DSP: variants seen among roughly 807,000 people sequenced by gnomAD.
The protein encoded by DSP is desmoplakin, also known as 250/210 kDa paraneoplastic pemphigus antigen.
A neutral mutation model predicts 290.6 loss-of-function variants in DSP; 114 were observed. The ratio of observed to expected loss-of-function variants is 0.39; its 90% CI spans 0.34 to 0.46. The LOEUF is 0.46. Ranked by LOEUF, DSP falls within the 20% of genes least tolerant of loss-of-function variation. DSP has a pLI of 0.99. For missense variants in DSP, 3,230 were observed against 3,495.8 expected (o/e 0.92, Z 1.92); for synonymous variants, 1,311 against 1,316.4 (o/e 1.00, Z 0.09).
At position 7,582,410 on chromosome 6, in the gene DSP, G is replaced by GA. The variant is rs1157138483; in HGVS notation, c.5380-225dup. On this transcript the variant is annotated intron_variant, in intron 23 of 23. Coordinates refer to ENST00000379802, the MANE Select transcript of DSP (RefSeq NM_004415.4). The surrounding 1 kb of genome is among the most constrained non-coding windows in gnomAD (Gnocchi z 4.2). ...TCTGCAACTTACAGTTCCTTCTATA[G>GA]AAAAAAATAGTAAGTATGAAGCCAT... Among the ~76,000 whole-genome samples, 1 of 150,834 alleles carries GA rather than the reference G, an allele frequency of 6.6e-6. No individual in the cohort carries two copies. The highest frequency in any genetic ancestry group is 1.5e-5 in the Non-Finnish European group (1 of 67,744).
chr6:7,570,919 G>T (rs1581805092), intron 13 of DSP, among the ~76,000 whole-genome samples: 3 of 152,238 alleles, frequency 2.0e-5, no homozygotes, highest in Admixed American at 2.0e-4. Context: ...TAAAAGGTGG[G>T]ATAGAATTCT....
intron 13 of DSP, 123 bp downstream of exon 13, chr6:7,570,686 C>A: frequency 7.3e-7 from 1 of 1,379,048 alleles, no homozygotes; most frequent in Non-Finnish European, 1.0e-6. Context: ...TCAAGCAAGT[C>A]AGCTCAGCCC....
rs756737246 is a variant in DSP, at chr6:7,574,711, A to G, written c.2352A>G (p.Leu784=). Reference sequence around the variant, plus strand: ...CTATTCTCCAAACAGAAGACATGTTAAAGGTTTATGAAGCCAGGCTCACTG... The same window carrying G: ...CTATTCTCCAAACAGAAGACATGTTGAAGGTTTATGAAGCCAGGCTCACTG... ...LQAILQTEDM[L]KVYEARLTEE... Residue 784 remains leucine (L), a synonymous_variant, in exon 17 of 24, where the codon TTA becomes TTG. Transcript: ENST00000379802. 1 of 1,614,162 alleles carries G rather than the reference A, an allele frequency of 6.2e-7. No individual in the cohort carries two copies. The highest frequency in any genetic ancestry group is 8.5e-7 in the Non-Finnish European group (1 of 1,180,018).
At chr6:7,545,809 T>C (rs1258880460) in intron 1 of DSP, among the ~76,000 whole-genome samples, 1 of 152,184 alleles carries the variant, frequency 6.6e-6, no homozygotes, top group Non-Finnish European at 1.5e-5. Flanking sequence ...TTCAGCTGTG[T>C]CAGGATGGGT....
chr6:7,566,835 G>T (rs1039290638), intron 8 of DSP, among the ~76,000 whole-genome samples: 5 of 152,178 alleles, frequency 3.3e-5, no homozygotes, highest in African/African-American at 1.2e-4. Context: ...TTTGGTGACC[G>T]CTGCCCTAGA....
At chr6:7,572,579 T>C (rs949867802) in intron 15 of DSP, among the ~76,000 whole-genome samples, 1 of 152,212 alleles carries the variant, frequency 6.6e-6, no homozygotes, top group African/African-American at 2.4e-5. Context: ...AATGAGGCCA[T>C]ACTCAAGAAA....
At chr6:7,556,548 A>G (rs899951920) in intron 2 of DSP, among the ~76,000 whole-genome samples, 2 of 152,234 alleles carry the variant, frequency 1.3e-5, no homozygotes, top group African/African-American at 4.8e-5. Context: ...CCTAATGCCG[A>G]CACTGGTATC....
chr6:7,550,707 G>C (rs1050979912), intron 1 of DSP, among the ~76,000 whole-genome samples: 51 of 151,308 alleles, frequency 3.4e-4, no homozygotes, highest in African/African-American at 1.2e-3. Flanking sequence ...TTAAGGATGA[G>C]TTATTTTTTT....
At position 7,562,771 on chromosome 6, in the gene DSP, A is replaced by G; in HGVS notation, c.717A>G (p.Lys239=). ...GDYRWQLDKI[K]ADLREKSAIY... is the part of the protein sequence containing the mutation. ...ATCGCTGGCAGCTGGACAAAATCAA[A>G]GCCGACCTGGTACTTGTCTGTGTTT... is the stretch of plus-strand genomic sequence containing the variant. The change falls in exon 5 of 24, where the codon AAA becomes AAG. Residue 239 remains lysine, a synonymous_variant. Transcript: ENST00000379802. 1 of 1,614,100 alleles carries G rather than the reference A, an allele frequency of 6.2e-7. No individual in the cohort carries two copies. Among genetic ancestry groups the G allele is most frequent in the Non-Finnish European group, 8.5e-7 (1 of 1,179,972 alleles).
At chr6:7,566,666 TA>T (rs1758874479) in intron 8 of DSP, among the ~76,000 whole-genome samples, 185 bp downstream of exon 8, 1 of 152,262 alleles carries the variant, frequency 6.6e-6, no homozygotes, top group African/African-American at 2.4e-5. Flanking sequence ...ATCAGTATTT[TA>T]GACTTTCAGG....
chr6:7,557,885 G>A (rs1477716764), intron 2 of DSP, among the ~76,000 whole-genome samples: 1 of 152,166 alleles, frequency 6.6e-6, no homozygotes, highest in East Asian at 1.9e-4. Context: ...GGGAAGGTTA[G>A]CATTCAGCAA....
At chr6:7,544,492 T>TTTC (rs70978987) in intron 1 of DSP, among the ~76,000 whole-genome samples, 1 of 80,158 alleles carries the variant, frequency 1.2e-5, no homozygotes, top group Non-Finnish European at 2.8e-5. Flanking sequence ...TCTTTCTTTC[T>TTTC]TTTTTTTTTT....
At chr6:7,544,114 G>C (rs914836503) in intron 1 of DSP, among the ~76,000 whole-genome samples, 6 of 152,170 alleles carry the variant, frequency 3.9e-5, no homozygotes, top group Admixed American at 6.5e-5. Context: ...CCGGCAGCAG[G>C]GCGTCAAGCT....
At chr6:7,545,876 G>A (rs1361669097) in intron 1 of DSP, among the ~76,000 whole-genome samples, 1 of 152,218 alleles carries the variant, frequency 6.6e-6, no homozygotes, top group East Asian at 1.9e-4. Context: ...CGAAGCCTGT[G>A]GAGTGATCTC....
chr6:7,554,213 C>T (rs896756463), intron 1 of DSP, among the ~76,000 whole-genome samples: 5 of 151,964 alleles, frequency 3.3e-5, no homozygotes, highest in Non-Finnish European at 2.9e-5. Context: ...GTAGCACATC[C>T]GTGAGGACTT....
At chr6:7,552,159 A>C (rs760439623) in intron 1 of DSP, among the ~76,000 whole-genome samples, 3 of 152,050 alleles carry the variant, frequency 2.0e-5, no homozygotes, top group Non-Finnish European at 4.4e-5. Flanking sequence ...TATTTTTTCA[A>C]CCCTTCAAAG....
intron 17 of DSP, 33 bp downstream of exon 17, chr6:7,574,828 T>TA (rs778260475): frequency 6.2e-7 from 1 of 1,614,052 alleles, no homozygotes; most frequent in Non-Finnish European, 8.5e-7. Context: ...TGGCCCAACT[T>TA]ACAGGAACTA....
Position 7,571,419 on chromosome 6 carries a change from A to G in DSP, c.1738A>G (p.Ile580Val), listed in dbSNP as rs757986845. 1 of 1,614,216 alleles carries G rather than the reference A, an allele frequency of 6.2e-7. No individual in the cohort carries two copies. Among genetic ancestry groups the G allele is most frequent in the Non-Finnish European group, 8.5e-7 (1 of 1,180,054 alleles). Residue 580 changes from isoleucine (I) to valine (V), a missense_variant, in exon 14 of 24, where the codon ATA (isoleucine) becomes GTA (valine). By Grantham distance (29) the Ile-to-Val change is conservative (BLOSUM62 3). Around this residue, in one of 5 missense-constraint regions of DSP, gnomAD observed 81 missense variants for 130.5 expected, o/e 0.62. Transcript: ENST00000379802. Reference protein sequence around the residue: ...TMRQEDYMKTIADLELHYQEF... With the variant: ...TMRQEDYMKTVADLELHYQEF... ...GCGGCAGGAAGATTACATGAAGACGATAGCCGACCTTGAGTTACATTACCA... is the reference window on the plus strand; with the variant it reads ...GCGGCAGGAAGATTACATGAAGACGGTAGCCGACCTTGAGTTACATTACCA...
In DSP at chr6:7,555,869, C is replaced by T. The variant is rs900344614; in HGVS notation, c.273+49C>T. On this transcript the variant is annotated intron_variant, in intron 2 of 23. Transcript: ENST00000379802. Reference sequence around the variant, plus strand: ...CTTCTCCCAAAGCCTTGGCCACACCCGACTGTCCTCTGGTTAGCTTCTGCT... The same window carrying T: ...CTTCTCCCAAAGCCTTGGCCACACCTGACTGTCCTCTGGTTAGCTTCTGCT... 8.4e-6 allele frequency: 13 copies of T among 1,552,080 alleles called. No homozygotes were observed. The South Asian group carries it at 1.4e-4, about 16-fold the overall frequency.
Sources: gnomAD v4.1 joint callset for allele counts (sites outside exome capture counted in the v4.1 genomes callset) on GRCh38, gnomAD v4.1.1 for gene constraint, gnomAD v4.1.1 regional missense constraint, Gnocchi (gnomAD v3.1) non-coding constraint, MANE v1.5 for transcripts, NCBI Gene and HGNC (gene_info 2026-07-23, HGNC 2026-07-21) for gene names.